NFATC1: variants seen among roughly 807,000 people sequenced by gnomAD.
The protein encoded by NFATC1 is nuclear factor of activated T cells 1.
Under a neutral mutation model 76.0 loss-of-function variants are expected in NFATC1, and 22 were observed. That is an observed-to-expected ratio of 0.29 (90% CI 0.21 to 0.41). The LOEUF (loss-of-function observed/expected upper bound fraction) is 0.41, where lower values mean the gene tolerates loss of function less well. Ranked by LOEUF, NFATC1 falls within the 10% of genes least tolerant of loss-of-function variation. The pLI, the probability that NFATC1 is intolerant of heterozygous loss-of-function variation, is 1.00. For synonymous variants in NFATC1, 704 were observed against 613.1 expected, an observed-to-expected ratio of 1.15 and a Z score of -2.19; for missense variants, 1,357 against 1,337.7, an observed-to-expected ratio of 1.01 and a Z score of -0.23.
rs574649522 is a variant in NFATC1, at chr18:79,404,818, G to A, written c.128-5585G>A. Among the ~76,000 whole-genome samples, 8 of 152,354 alleles carry A rather than the reference G, an allele frequency of 5.3e-5. No individual in the cohort carries two copies. The East Asian group carries it at 1.5e-3, about 29-fold the overall frequency. On this transcript the variant is annotated intron_variant, in intron 1 of 9. Coordinates refer to ENST00000427363, the MANE Select transcript of NFATC1 (RefSeq NM_001278669.2). ...GTCTGGGAACTGCGTGTCGTGAGGGGCAGGTGCCCTGGGGCTCAGCACGGC... is the reference window on the plus strand; with the variant it reads ...GTCTGGGAACTGCGTGTCGTGAGGGACAGGTGCCCTGGGGCTCAGCACGGC...
chr18:79,515,444 T>G (rs2090355873), intron 9 of NFATC1, among the ~76,000 whole-genome samples: 23 of 142,746 alleles, frequency 1.6e-4, no homozygotes, highest in South Asian at 7.2e-4. Flanking sequence ...ATACCTGCAG[T>G]GGTGGTGGTG....
At chr18:79,416,552 C>T (rs990018922) in intron 2 of NFATC1, among the ~76,000 whole-genome samples, 7 of 152,214 alleles carry the variant, frequency 4.6e-5, no homozygotes, top group African/African-American at 1.7e-4. Flanking sequence ...CCCAGCATAG[C>T]GAGACGTGTA....
At chr18:79,478,339 G>T (rs927216269) in intron 8 of NFATC1, among the ~76,000 whole-genome samples, 1 of 152,034 alleles carries the variant, frequency 6.6e-6, no homozygotes, top group African/African-American at 2.4e-5. Flanking sequence ...GCTGTCCCCC[G>T]GGAGCCAGGC....
intron 9 of NFATC1, 94 bp from the exon 10 acceptor site, chr18:79,527,434 C>T (rs2090798153): frequency 3.0e-6 from 3 of 993,756 alleles, no homozygotes; most frequent in Non-Finnish European, 4.7e-6. Context: ...TTGTCACAGG[C>T]GTGAGCGTCA....
At chr18:79,488,974 C>T (rs1396113626) in intron 9 of NFATC1, among the ~76,000 whole-genome samples, 4 of 152,144 alleles carry the variant, frequency 2.6e-5, no homozygotes, top group Admixed American at 6.5e-5. Context: ...GGGTGAGCAG[C>T]GGCAGTGCTG....
rs1225025223 is a variant in NFATC1 at position 79,399,284 on chromosome 18, G to T, written c.127+2933G>T. On this transcript the variant is annotated intron_variant, in intron 1 of 9. Coordinates refer to ENST00000427363, the MANE Select transcript of NFATC1 (RefSeq NM_001278669.2). ...GAGAAAACCAGCCAGTGAAAGGGTCGCGGGAGAAGCCCGGGGACGACCCTG... is the reference window on the plus strand; with the variant it reads ...GAGAAAACCAGCCAGTGAAAGGGTCTCGGGAGAAGCCCGGGGACGACCCTG... 2.6e-5 allele frequency among the ~76,000 whole-genome samples: 4 copies of T among 152,358 alleles called. No individual in the cohort carries two copies. The South Asian group carries it at 8.3e-4, about 32-fold the overall frequency.
At chr18:79,520,179 C>T (rs1193701272) in intron 9 of NFATC1, among the ~76,000 whole-genome samples, 1 of 152,336 alleles carries the variant, frequency 6.6e-6, no homozygotes, top group Non-Finnish European at 1.5e-5. Flanking sequence ...CTCGAAGCCC[C>T]TCCGGGCCCC....
chr18:79,417,056 G>A (rs1015235439), intron 2 of NFATC1, among the ~76,000 whole-genome samples: 7 of 152,220 alleles, frequency 4.6e-5, no homozygotes, highest in Non-Finnish European at 1.0e-4. Context: ...CAGGTGACTC[G>A]CGCAAGCCAG....
intron 9 of NFATC1, among the ~76,000 whole-genome samples, chr18:79,506,129 A>G (rs1009241394): frequency 1.3e-5 from 2 of 152,144 alleles, no homozygotes; most frequent in Non-Finnish European, 1.5e-5. Flanking sequence ...CTTTTCTTCA[A>G]CTGAGTTTTG....
chr18:79,478,923 T>G (rs2089178277), intron 8 of NFATC1, among the ~76,000 whole-genome samples: 1 of 152,134 alleles, frequency 6.6e-6, no homozygotes, highest in South Asian at 2.1e-4. Context: ...GGGGACGGTT[T>G]ACCTGTCAGC....
chr18:79,451,625 C>T, intron 5 of NFATC1, 51 bp from the exon 6 acceptor site: 1 of 1,468,228 alleles, frequency 6.8e-7, no homozygotes, highest in Non-Finnish European at 9.0e-7. Context: ...ACGTGTGCCC[C>T]AGGCCGCCCA....
intron 8 of NFATC1, among the ~76,000 whole-genome samples, chr18:79,484,538 C>G (rs2089439789): frequency 6.6e-6 from 1 of 151,920 alleles, no homozygotes; most frequent in Non-Finnish European, 1.5e-5. Flanking sequence ...GATCTCCCCA[C>G]TCAGTGTGCA....
rs987386117 is a variant in NFATC1 at position 79,523,325 on chromosome 18, C to T, written c.2783-4203C>T. 2.6e-5 allele frequency among the ~76,000 whole-genome samples: 4 copies of T among 152,248 alleles called. 1 individual carries two copies. Among genetic ancestry groups the T allele is most frequent in the Admixed American group, 2.6e-4 (4 of 15,288 alleles). ...GCCCTGGCAGCTCCGTTCTGGCCCT[C>T]ATCATTCCCAGCATAGAGAAACAAA... On this transcript the variant is annotated intron_variant, in intron 9 of 9. Coordinates refer to ENST00000427363, the MANE Select transcript of NFATC1 (RefSeq NM_001278669.2).
intron 7 of NFATC1, among the ~76,000 whole-genome samples, chr18:79,464,693 T>TACACAC (rs2088361786): frequency 1.0e-5 from 1 of 99,040 alleles, no homozygotes; most frequent in Non-Finnish European, 2.1e-5. Context: ...TATATATATA[T>TACACAC]ATTTATTTAT....
At chr18:79,400,739 C>T (rs1241381423) in intron 1 of NFATC1, among the ~76,000 whole-genome samples, 1 of 147,726 alleles carries the variant, frequency 6.8e-6, no homozygotes, top group African/African-American at 2.5e-5. Flanking sequence ...GGACAGAGGG[C>T]TGGTGGCGCT....
intron 3 of NFATC1, among the ~76,000 whole-genome samples, chr18:79,446,863 C>G (rs2087227203): frequency 6.6e-6 from 1 of 152,206 alleles, no homozygotes; most frequent in South Asian, 2.1e-4. Context: ...GTGGCTTCCC[C>G]ACCGTGTTCC....
At chr18:79,518,636 C>T (rs1028104422) in intron 9 of NFATC1, among the ~76,000 whole-genome samples, 2 of 152,232 alleles carry the variant, frequency 1.3e-5, no homozygotes, top group Admixed American at 6.5e-5. Context: ...CGCTCATTGC[C>T]CAGGGCGTGG....
In NFATC1 at chr18:79,429,802, A is replaced by G. The variant is rs7232164; in HGVS notation, c.1227-3777A>G. 7.7e-3 allele frequency among the ~76,000 whole-genome samples: 1,167 copies of G among 152,352 alleles called. 14 individuals carry two copies. Among genetic ancestry groups the G allele is most frequent in the African/African-American group, 0.027 (1,110 of 41,584 alleles). Reference sequence around the variant, plus strand: ...CATTCTTGCTGTAAGCCATGCACACACTGTGTCACTAAATCTGCAAATGAT... The same window carrying G: ...CATTCTTGCTGTAAGCCATGCACACGCTGTGTCACTAAATCTGCAAATGAT... On this transcript the variant is annotated intron_variant, in intron 2 of 9. Transcript: ENST00000427363.
At chr18:79,506,533 C>T (rs1216642619) in intron 9 of NFATC1, among the ~76,000 whole-genome samples, 1 of 152,228 alleles carries the variant, frequency 6.6e-6, no homozygotes, top group Non-Finnish European at 1.5e-5. Flanking sequence ...TAACGTGGTT[C>T]ATTGGCCTCT....
Sources: allele counts gnomAD v4.1 joint callset (sites outside exome capture counted in the v4.1 genomes callset), GRCh38; gene constraint gnomAD v4.1.1; transcripts MANE v1.5; gene names NCBI Gene and HGNC (gene_info 2026-07-23, HGNC 2026-07-21).